CDC34: variants seen among roughly 807,000 people sequenced by gnomAD.
CDC34 encodes ubiquitin-conjugating enzyme E2 R1.
Under a neutral mutation model 26.8 loss-of-function variants are expected in CDC34, and 18 were observed. That is an observed-to-expected ratio of 0.67 (90% CI 0.47 to 1.00). CDC34 has a LOEUF of 1.00. CDC34 is among the 50% of genes least tolerant of loss of function. CDC34 has a pLI of 0.00. For missense variants in CDC34, 280 were observed against 334.5 expected (o/e 0.84, Z 1.27); for synonymous variants, 178 against 147.5 (o/e 1.21, Z -1.50).
intron 1 of CDC34, among the ~76,000 whole-genome samples, chr19:534,957 G>C (rs1054380440): frequency 3.9e-5 from 6 of 152,030 alleles, no homozygotes; most frequent in African/African-American, 1.4e-4. Context: ...TGCTGCTCTC[G>C]TGCCTTGGAG....
At chr19:536,556 C>T (rs905308275) in intron 3 of CDC34, 4 of 584,928 alleles carry the variant, frequency 6.8e-6, no homozygotes, top group Non-Finnish European at 1.2e-5. Context: ...TGCAGACTCC[C>T]ACCAGGACCC....
intron 1 of CDC34, 34 bp downstream of exon 1, chr19:532,142 C>G (rs1178374351): frequency 6.2e-6 from 9 of 1,459,388 alleles, no homozygotes; most frequent in Non-Finnish European, 8.1e-6. Flanking sequence ...GGTCCCGGAG[C>G]CCACGAGCGA....
At position 541,681 on chromosome 19, in the gene CDC34, C is replaced by T. The variant is rs1980025887; in HGVS notation, c.*129C>T. On this transcript the variant is annotated 3_prime_UTR_variant, in exon 5 of 5. Transcript: ENST00000215574. ...TCTGGTTGTTTCGTTTTGGCTTTTT[C>T]TCCCTCCCCATGTCTGTTCTGGGTT... 4.6e-6 allele frequency: 5 copies of T among 1,097,538 alleles called. No homozygotes were observed. The highest frequency in any genetic ancestry group is 1.8e-5 in the South Asian group (1 of 57,008). The allele number at this position is 1,097,538 out of a possible 1,614,324, so 68.0% of individuals were successfully genotyped here. A position where few individuals can be genotyped will look rare whatever the true frequency, so the allele number is the denominator to read the frequency against.
intron 1 of CDC34, 148 bp downstream of exon 1, chr19:532,256 T>G: frequency 1.8e-6 from 1 of 549,354 alleles, no homozygotes; most frequent in Non-Finnish European, 3.0e-6. Flanking sequence ...TATGGCCACG[T>G]TCCCCCACCC....
Position 531,855 on chromosome 19 carries a change from G to T in CDC34, c.-77G>T. The T allele has an allele frequency of 2.1e-6, 2 of 966,706 alleles. No individual in the cohort carries two copies. The highest frequency in any genetic ancestry group is 2.6e-6 in the Non-Finnish European group (2 of 763,880). 59.9% of individuals were successfully genotyped at this position (966,706 alleles called of 1,614,324 possible). ...GGTGGCTCCCCCCCGGACGGTGCGC[G>T]GCCCGGCCCGTCTCGCGAACTCGCG... On this transcript the variant is annotated 5_prime_UTR_variant, in exon 1 of 5. Coordinates refer to ENST00000215574, the MANE Select transcript of CDC34 (RefSeq NM_004359.2).
rs536378976 is a variant in CDC34, at chr19:536,220, T to C, written c.265-23T>C. 1.2e-4 allele frequency: 183 copies of C among 1,586,166 alleles called. 2 individuals are homozygous for C. In the South Asian group the frequency reaches 2.0e-3, roughly 18 times the overall value. ...GCCCGTGCTGACCTCTGACCTGTTC[T>C]GACCTGTCTTCTTCTTGTGCAGACG... On this transcript the variant is annotated intron_variant, in intron 2 of 4. Coordinates refer to ENST00000215574, the MANE Select transcript of CDC34 (RefSeq NM_004359.2).
At position 541,444 on chromosome 19, in the gene CDC34, G is replaced by C. The variant is rs1980010601; in HGVS notation, c.603G>C (p.Glu201Asp). 2 of 1,612,810 alleles carry C rather than the reference G, an allele frequency of 1.2e-6. No individual in the cohort carries two copies. Among genetic ancestry groups the C allele is most frequent in the Admixed American group, 1.7e-5 (1 of 59,996 alleles). ...AGACCAAGGCGCCGGCGCCCGACGA[G>C]GGCTCAGACCTCTTCTACGACGACT... ...CVKTKAPAPDEGSDLFYDDYY... is the reference protein window; with the variant it reads ...CVKTKAPAPDDGSDLFYDDYY... The change falls in exon 5 of 5, where the codon GAG becomes GAC. Residue 201 changes from glutamate (E) to aspartate (D), a missense_variant. Glu to Asp is a conservative substitution (Grantham distance 45, BLOSUM62 2). Transcript: ENST00000215574.
Position 541,369 on chromosome 19 carries a change from G to A in CDC34, c.528G>A (p.Ala176=), listed in dbSNP as rs143039634. Reference sequence around the variant, plus strand: ...AGGTCCTGGGGACCAAGGTGGACGCGGAGCGTGACGGCGTGAAGGTGCCCA... The same window carrying A: ...AGGTCCTGGGGACCAAGGTGGACGCAGAGCGTGACGGCGTGAAGGTGCCCA... The part of the protein sequence containing the change: ...RKQVLGTKVD[A]ERDGVKVPTT... The change falls in exon 5 of 5, where the codon GCG becomes GCA. Residue 176 remains alanine, a synonymous_variant. Coordinates refer to ENST00000215574, the MANE Select transcript of CDC34 (RefSeq NM_004359.2). 1.2e-5 allele frequency: 20 copies of A among 1,602,762 alleles called. No homozygotes were observed. The highest frequency in any genetic ancestry group is 9.4e-5 in the African/African-American group (7 of 74,768).
At position 541,650 on chromosome 19, in the gene CDC34, G is replaced by A. The variant is rs951194165; in HGVS notation, c.*98G>A. ...TCACGGAGGTTTTGTGCTGGTCCCC[G>A]TCTCCTCTGGTTGTTTCGTTTTGGC... On this transcript the variant is annotated 3_prime_UTR_variant, in exon 5 of 5. Coordinates refer to ENST00000215574, the MANE Select transcript of CDC34 (RefSeq NM_004359.2). 3.1e-5 allele frequency: 42 copies of A among 1,340,912 alleles called. 2 individuals are homozygous for A. The Middle Eastern group carries it at 8.2e-4, about 26-fold the overall frequency. The allele number at this position is 1,340,912 out of a possible 1,614,324, so 83.1% of individuals were successfully genotyped here. A position where few individuals can be genotyped will look rare whatever the true frequency, so the allele number is the denominator to read the frequency against.
In CDC34 at chr19:531,998, G is replaced by GAGCC; in HGVS notation, c.68_71dup (p.Val25AlafsTer62). On this transcript the variant is annotated frameshift_variant, in exon 1 of 5. Coordinates refer to ENST00000215574, the MANE Select transcript of CDC34 (RefSeq NM_004359.2). LOFTEE classifies it high-confidence loss of function. ...GCTGGAGCTCAAGGGGCTGCAGGAA[G>GAGCC]AGCCGGTCGAGGGATTCCGCGTGAC... is the stretch of plus-strand genomic sequence containing the variant. The GAGCC allele has an allele frequency of 6.7e-7, 1 of 1,500,194 alleles. No individual in the cohort carries two copies. The highest frequency in any genetic ancestry group is 8.8e-7 in the Non-Finnish European group (1 of 1,132,526). 92.9% of individuals were successfully genotyped at this position (1,500,194 alleles called of 1,614,324 possible). A position where few individuals can be genotyped will look rare whatever the true frequency, so the allele number is the denominator to read the frequency against.
At chr19:533,851 C>T (rs1379877524) in intron 1 of CDC34, among the ~76,000 whole-genome samples, 1 of 152,220 alleles carries the variant, frequency 6.6e-6, no homozygotes, top group African/African-American at 2.4e-5. Flanking sequence ...CCCGCTGTGC[C>T]TGGGAGGGAG....
chr19:541,635 T>C lies in CDC34; in HGVS notation c.*83T>C. 7.1e-7 allele frequency: 1 copy of C among 1,412,964 alleles called. No individual in the cohort carries two copies. Among genetic ancestry groups the C allele is most frequent in the South Asian group, 1.5e-5 (1 of 68,284 alleles). The allele number at this position is 1,412,964 out of a possible 1,614,324, so 87.5% of individuals were successfully genotyped here. A position where few individuals can be genotyped will look rare whatever the true frequency, so the allele number is the denominator to read the frequency against. On this transcript the variant is annotated 3_prime_UTR_variant, in exon 5 of 5. Coordinates refer to ENST00000215574, the MANE Select transcript of CDC34 (RefSeq NM_004359.2). Reference sequence around the variant, plus strand: ...AGACGACAGACTACCTCACGGAGGTTTTGTGCTGGTCCCCGTCTCCTCTGG... The same window carrying C: ...AGACGACAGACTACCTCACGGAGGTCTTGTGCTGGTCCCCGTCTCCTCTGG...
At chr19:539,208 A>G (rs1568331763) in intron 4 of CDC34, among the ~76,000 whole-genome samples, 1 of 152,114 alleles carries the variant, frequency 6.6e-6, no homozygotes, top group Non-Finnish European at 1.5e-5. Context: ...CTTGCTGAAC[A>G]GGACCTCCAG....
At chr19:534,394 C>T (rs1317526366) in intron 1 of CDC34, among the ~76,000 whole-genome samples, 1 of 148,878 alleles carries the variant, frequency 6.7e-6, no homozygotes, top group Non-Finnish European at 1.5e-5. Flanking sequence ...GGAGGGGCCT[C>T]GCCCACAATC....
chr19:536,244 CGGG>C lies in CDC34; in HGVS notation c.269_271del (p.Gly90del). On this transcript the variant is annotated inframe_deletion and splice_region_variant, in exon 3 of 5. Coordinates refer to ENST00000215574, the MANE Select transcript of CDC34 (RefSeq NM_004359.2). ...CTGACCTGTCTTCTTCTTGTGCAGA[CGGG>C]GGACGTGTGTATCTCCATCCTCCAC... 1 of 1,602,850 alleles carries C rather than the reference CGGG, an allele frequency of 6.2e-7. No individual in the cohort carries two copies. Among genetic ancestry groups the C allele is most frequent in the Non-Finnish European group, 8.5e-7 (1 of 1,175,226 alleles).
intron 4 of CDC34, chr19:539,155 C>G (rs1179931107): frequency 4.9e-6 from 2 of 406,014 alleles, no homozygotes; most frequent in South Asian, 2.0e-4. Flanking sequence ...TGAGCTGTGT[C>G]GGGCAGGCTG....
At chr19:538,610 A>G (rs1478396621) in intron 4 of CDC34, 2 of 708,916 alleles carry the variant, frequency 2.8e-6, no homozygotes, top group Non-Finnish European at 3.5e-6. Context: ...GGTATTTTGT[A>G]TAAACAGAAT....
At position 541,385 on chromosome 19, in the gene CDC34, A is replaced by C. The variant is rs1600432311; in HGVS notation, c.544A>C (p.Lys182Gln). ...GGTGGACGCGGAGCGTGACGGCGTG[A>C]AGGTGCCCACCACGCTGGCCGAGTA... is the stretch of plus-strand genomic sequence containing the variant. Reference protein sequence around the residue: ...TKVDAERDGVKVPTTLAEYCV... With the variant: ...TKVDAERDGVQVPTTLAEYCV... Residue 182 changes from lysine (K) to glutamine (Q), a missense_variant, in exon 5 of 5, where the codon AAG becomes CAG. Coordinates refer to ENST00000215574, the MANE Select transcript of CDC34 (RefSeq NM_004359.2). The C allele has an allele frequency of 6.2e-7, 1 of 1,609,796 alleles. No individual in the cohort carries two copies. The highest frequency in any genetic ancestry group is 1.1e-5 in the South Asian group (1 of 90,788).
chr19:536,682 G>A (rs1979770636), intron 3 of CDC34: 7 of 525,106 alleles, frequency 1.3e-5, no homozygotes, highest in Non-Finnish European at 2.1e-5. Context: ...TGTGCCGCCT[G>A]GGCCTCGTCC....
Sources: allele counts gnomAD v4.1 joint callset (sites outside exome capture counted in the v4.1 genomes callset), GRCh38; gene constraint gnomAD v4.1.1; transcripts MANE v1.5; gene names NCBI Gene and HGNC (gene_info 2026-07-23, HGNC 2026-07-21).